Variants in FANCA observed in about 807,000 individuals in gnomAD.
FANCA encodes the protein Fanconi anemia group A protein.
In FANCA, 236 loss-of-function variants were observed where a neutral mutation model predicts 194.3. The observed-to-expected ratio is 1.21, with a 90% CI of 1.09 to 1.35. The LOEUF is 1.35. Ranked by LOEUF, FANCA falls within the 40% of genes most tolerant of loss-of-function variation. The pLI is 0.00. For synonymous variants in FANCA, 1,014 were observed against 715.8 expected, an observed-to-expected ratio of 1.42 and a Z score of -6.65; for missense variants, 2,628 against 1,813.9, an observed-to-expected ratio of 1.45 and a Z score of -8.15.
chr16:89,763,629 G>C (rs1483585783), intron 28 of FANCA, among the ~76,000 whole-genome samples: 1 of 152,024 alleles, frequency 6.6e-6, no homozygotes, highest in Non-Finnish European at 1.5e-5. Flanking sequence ...ACACAGCCTG[G>C]CAGACATGTT....
At chr16:89,747,171 G>A (rs2038419603) in intron 33 of FANCA, among the ~76,000 whole-genome samples, 2 of 152,202 alleles carry the variant, frequency 1.3e-5, no homozygotes, top group African/African-American at 2.4e-5. Context: ...AGCAGCCGCA[G>A]GGAAGGGGAC....
At chr16:89,750,366 C>T (rs1222909803) in intron 31 of FANCA, among the ~76,000 whole-genome samples, 1 of 152,174 alleles carries the variant, frequency 6.6e-6, no homozygotes, top group South Asian at 2.1e-4. Flanking sequence ...GCCTGTAGTC[C>T]CAGCGACTCA....
chr16:89,811,170 A>G (rs899913944), intron 3 of FANCA, 99 bp from the exon 4 acceptor site: 1 of 1,521,982 alleles, frequency 6.6e-7, no homozygotes, highest in African/African-American at 1.4e-5. Context: ...AAGATGCAGC[A>G]CAAAAAAAAT....
chr16:89,805,134 G>T, intron 7 of FANCA, 146 bp downstream of exon 7: 1 of 690,066 alleles, frequency 1.4e-6, no homozygotes, highest in African/African-American at 1.8e-5. Flanking sequence ...CCCCACAACA[G>T]GCTGAGACTG....
chr16:89,740,479 A>G (rs2062101975), intron 38 of FANCA: 1 of 463,672 alleles, frequency 2.2e-6, no homozygotes. Context: ...TACTAAAAAT[A>G]CAAAAATTAG....
chr16:89,795,972 C>G lies in FANCA; in HGVS notation c.940G>C (p.Asp314His). The G allele has an allele frequency of 6.2e-7, 1 of 1,614,200 alleles. No individual in the cohort carries two copies. Among genetic ancestry groups the G allele is most frequent in the Non-Finnish European group, 8.5e-7 (1 of 1,180,034 alleles). ...TGACTGAAGAACCTCTTCAGAGGATCTGTGGAAATTACACTGCCAAGCGTG... is the reference window on the plus strand; with the variant it reads ...TGACTGAAGAACCTCTTCAGAGGATGTGTGGAAATTACACTGCCAAGCGTG... The part of the protein sequence containing the change: ...GHTLGSVIST[D>H]PLKRFFSHTL... Residue 314 changes from aspartate to histidine, a missense_variant, in exon 11 of 43, where the codon GAT (aspartate) becomes CAT (histidine). Physicochemically the swap from Asp to His is moderately conservative, Grantham distance 81 (BLOSUM62 -1). Coordinates refer to ENST00000389301, the MANE Select transcript of FANCA (RefSeq NM_000135.4).
intron 33 of FANCA, among the ~76,000 whole-genome samples, chr16:89,747,672 G>A (rs1041131562): frequency 6.6e-6 from 1 of 152,074 alleles, no homozygotes; most frequent in Non-Finnish European, 1.5e-5. Context: ...CTGCACTCCA[G>A]CCTGGGCGAC....
rs756394720 is a variant in FANCA at position 89,737,906 on chromosome 16, G to A, written c.*695C>T. 13 of 1,594,468 alleles carry A rather than the reference G, an allele frequency of 8.2e-6. No homozygotes were observed. The highest frequency in any genetic ancestry group is 1.0e-5 in the Non-Finnish European group (12 of 1,177,010). ...GACATTCGGGAGCCAAGCCTTTGCAGTAAGTGTGAGTCAGGACCCCCTCCC... is the reference window on the plus strand; with the variant it reads ...GACATTCGGGAGCCAAGCCTTTGCAATAAGTGTGAGTCAGGACCCCCTCCC... On this transcript the variant is annotated 3_prime_UTR_variant, in exon 43 of 43. Coordinates refer to ENST00000389301, the MANE Select transcript of FANCA (RefSeq NM_000135.4).
intron 14 of FANCA, among the ~76,000 whole-genome samples, chr16:89,785,578 C>G (rs2039868642): frequency 6.6e-6 from 1 of 152,154 alleles, no homozygotes; most frequent in African/African-American, 2.4e-5. Flanking sequence ...GGGGCTGCAG[C>G]AAAGTCCTGG....
rs976556567 is a variant in FANCA, at chr16:89,796,020, T to C, written c.894-2A>G. ...GTGTGTCCACTGAACACTCCGAACC[T>C]GCCAATGCAGCAGAAAGAGGGGTCA... On this transcript the variant is annotated splice_acceptor_variant, in intron 10 of 42. Coordinates refer to ENST00000389301, the MANE Select transcript of FANCA (RefSeq NM_000135.4). LOFTEE classifies it high-confidence loss of function. 1.9e-6 allele frequency: 3 copies of C among 1,612,380 alleles called. No individual in the cohort carries two copies. The highest frequency in any genetic ancestry group is 2.5e-6 in the Non-Finnish European group (3 of 1,178,550).
Position 89,770,127 on chromosome 16 carries a change from TG to T in FANCA, c.2316+38del, listed in dbSNP as rs760122697. 3 of 1,567,312 alleles carry T rather than the reference TG, an allele frequency of 1.9e-6. No homozygotes were observed. In the African/African-American group the frequency reaches 4.0e-5, roughly 21 times the overall value. ...AGAAGTAGCAGCCTGGCCCTCAGAG[TG>T]GGCCCCCAAGGGTGGCCCCCATGAA... On this transcript the variant is annotated intron_variant, in intron 25 of 42. Transcript: ENST00000389301.
chr16:89,816,631 AG>A lies in FANCA; in HGVS notation c.-17del. 2 of 1,517,852 alleles carry A rather than the reference AG, an allele frequency of 1.3e-6. No individual in the cohort carries two copies. The highest frequency in any genetic ancestry group is 1.8e-6 in the Non-Finnish European group (2 of 1,140,324). 94.0% of individuals were successfully genotyped at this position (1,517,852 alleles called of 1,614,324 possible). A position where few individuals can be genotyped will look rare whatever the true frequency, so the allele number is the denominator to read the frequency against. On this transcript the variant is annotated 5_prime_UTR_variant, in exon 1 of 43. Transcript: ENST00000389301. Reference sequence around the variant, plus strand: ...AGTCGGACATGGCCTTGGCGCCTACAGCCCCGGCGGCGGCTCCCTGCGCCCG... The same window carrying A: ...AGTCGGACATGGCCTTGGCGCCTACACCCCGGCGGCGGCTCCCTGCGCCCG...
At position 89,803,283 on chromosome 16, in the gene FANCA, A is replaced by G. The variant is rs1459779461; in HGVS notation, c.768T>C (p.Thr256=). 1.2e-6 allele frequency: 2 copies of G among 1,614,204 alleles called. No homozygotes were observed. Among genetic ancestry groups the G allele is most frequent in the South Asian group, 1.1e-5 (1 of 91,086 alleles). Residue 256 remains threonine, a synonymous_variant, in exon 8 of 43, where the codon ACT becomes ACC. Transcript: ENST00000389301. ...CCTGCGGCATTTTTTCAGGCTCCAC[A>G]GTTCTTCTCAGATCTGAGTTTTTCT... is the stretch of plus-strand genomic sequence containing the variant. ...GFQKNSDLRR[T]VEPEKMPQVT...
Position 89,771,777 on chromosome 16 carries a change from C to A in FANCA, c.2052G>T (p.Leu684=), listed in dbSNP as rs562025330. The change falls in exon 23 of 43, where the codon CTG becomes CTT. Residue 684 remains leucine, a synonymous_variant. Transcript: ENST00000389301. ...CCTCATTGTGGCCCAGGACAGCCCT[C>A]AGTCTTTCAGAAATCACTGCCACCT... The part of the protein sequence containing the change: ...SAQVAVISER[L]RAVLGHNEDD... The A allele has an allele frequency of 6.2e-7, 1 of 1,614,088 alleles. No individual in the cohort carries two copies. Among genetic ancestry groups the A allele is most frequent in the Non-Finnish European group, 8.5e-7 (1 of 1,180,040 alleles).
intron 17 of FANCA, among the ~76,000 whole-genome samples, chr16:89,780,519 G>C (rs1466023409): frequency 6.6e-6 from 1 of 151,926 alleles, no homozygotes; most frequent in Non-Finnish European, 1.5e-5. Flanking sequence ...AGCTACTCAG[G>C]ACGTGGAGGT....
rs563966600 is a variant in FANCA, at chr16:89,742,869, A to G, written c.3696T>C (p.Phe1232=). The G allele has an allele frequency of 2.5e-6, 4 of 1,613,974 alleles. No individual in the cohort carries two copies. Among genetic ancestry groups the G allele is most frequent in the Non-Finnish European group, 3.4e-6 (4 of 1,180,012 alleles). ...TTTCTTCCCTGACTTGTTGAATCGC[A>G]AAGTGCAGTGCAGCAGCTGAGAGCC... is the stretch of plus-strand genomic sequence containing the variant. ...PDWLSAAALH[F]AIQQVREENI... Residue 1232 remains phenylalanine (F), a synonymous_variant, in exon 37 of 43, where the codon TTT becomes TTC. Transcript: ENST00000389301.
rs759319750 is a variant in FANCA, at chr16:89,758,717, A to G, written c.2853-12T>C. On this transcript the variant is annotated splice_polypyrimidine_tract_variant and intron_variant, in intron 29 of 42. Transcript: ENST00000389301. The stretch of plus-strand genomic sequence containing the variant: ...GGTGGAAGTCCTGCCTAGAACAGCA[A>G]ACACTGCTATCAATTCTGAGAAATG... 6.2e-7 allele frequency: 1 copy of G among 1,613,124 alleles called. No homozygotes were observed. The highest frequency in any genetic ancestry group is 2.2e-5 in the East Asian group (1 of 44,840).
Position 89,773,354 on chromosome 16 carries a change from T to C in FANCA, c.1931A>G (p.Asn644Ser), listed in dbSNP as rs924548467. 1 of 1,551,488 alleles carries C rather than the reference T, an allele frequency of 6.4e-7. No homozygotes were observed. Among genetic ancestry groups the C allele is most frequent in the Non-Finnish European group, 8.7e-7 (1 of 1,146,936 alleles). The change falls in exon 22 of 43, where the codon AAC (asparagine) becomes AGC (serine). Residue 644 changes from asparagine to serine, a missense_variant. By Grantham distance (46) the Asn-to-Ser change is conservative (BLOSUM62 1). Transcript: ENST00000389301. The part of the protein sequence containing the change: ...DAALGVRAEP[N>S]SAEEPLGQLT... Reference sequence around the variant, plus strand: ...CTGTCCCAGGGGCTCCTCAGCAGAGTTGGGTTCTGCCCTCACTCCCAGGGC... The same window carrying C: ...CTGTCCCAGGGGCTCCTCAGCAGAGCTGGGTTCTGCCCTCACTCCCAGGGC...
At chr16:89,793,193 T>C (rs531628453) in intron 11 of FANCA, among the ~76,000 whole-genome samples, 1 of 152,102 alleles carries the variant, frequency 6.6e-6, no homozygotes, top group Admixed American at 6.5e-5. Context: ...CCGGTCTAAG[T>C]AGTGAGTGGT....
Sources: gnomAD v4.1 joint callset for allele counts (sites outside exome capture counted in the v4.1 genomes callset) on GRCh38, gnomAD v4.1.1 for gene constraint, MANE v1.5 for transcripts, NCBI Gene and HGNC (gene_info 2026-07-23, HGNC 2026-07-21) for gene names.